The following LRP1B variants were observed in gnomAD, a reference collection of about 807,000 sequenced individuals.
The protein encoded by LRP1B is LDL receptor related protein 1B.
In LRP1B, 217 loss-of-function variants were observed where a neutral mutation model predicts 556.6. The observed-to-expected ratio is 0.39, with a 90% CI of 0.35 to 0.44. The LOEUF (loss-of-function observed/expected upper bound fraction) is 0.44. Ranked by LOEUF, LRP1B falls within the 20% of genes least tolerant of loss-of-function variation. The pLI is 1.00. For synonymous variants in LRP1B, 2,047 were observed against 1,865.8 expected (o/e 1.10, Z -2.50); for missense variants, 5,053 against 5,620.8 (o/e 0.90, Z 3.23).
chr2:141,170,111 T>A (rs997909378), intron 7 of LRP1B, among the ~76,000 whole-genome samples: 1 of 152,224 alleles, frequency 6.6e-6, no homozygotes, highest in Non-Finnish European at 1.5e-5. Flanking sequence ...ATGATAGATA[T>A]GATAACAAAC....
At chr2:141,481,963 T>G (rs1682933989) in intron 2 of LRP1B, among the ~76,000 whole-genome samples, 3 of 152,186 alleles carry the variant, frequency 2.0e-5, no homozygotes, top group Admixed American at 6.5e-5. Context: ...TCTTTTCTGT[T>G]GTAAACCCCT....
At chr2:141,962,291 A>G (rs1574535632) in intron 1 of LRP1B, among the ~76,000 whole-genome samples, 1 of 151,832 alleles carries the variant, frequency 6.6e-6, no homozygotes, top group Non-Finnish European at 1.5e-5. Flanking sequence ...CAGAAAGCAC[A>G]TGTGGGGGAA....
intron 15 of LRP1B, among the ~76,000 whole-genome samples, chr2:140,999,175 C>T (rs182186100): frequency 6.6e-6 from 1 of 152,096 alleles, no homozygotes; most frequent in African/African-American, 2.4e-5. Flanking sequence ...AAATGAGTTA[C>T]TATATTATTC....
chr2:141,489,436 G>T (rs1056210574), intron 2 of LRP1B, among the ~76,000 whole-genome samples: 2 of 151,868 alleles, frequency 1.3e-5, no homozygotes, highest in Non-Finnish European at 2.9e-5. Context: ...TATAATATCT[G>T]TAATTACCAT....
At chr2:140,325,022 A>G (rs1680395790) in intron 80 of LRP1B, among the ~76,000 whole-genome samples, 1 of 152,268 alleles carries the variant, frequency 6.6e-6, no homozygotes, top group East Asian at 1.9e-4. Flanking sequence ...CAGTAAATAT[A>G]TAACATGCAA....
intron 33 of LRP1B, 29 bp downstream of exon 33, chr2:140,776,069 C>T (rs1689486455): frequency 6.6e-7 from 1 of 1,507,424 alleles, no homozygotes; most frequent in South Asian, 1.3e-5. Context: ...GTATTCAAGA[C>T]CTGGCACAAA....
At chr2:141,335,415 T>C (rs753541744) in intron 3 of LRP1B, among the ~76,000 whole-genome samples, 1 of 152,168 alleles carries the variant, frequency 6.6e-6, no homozygotes, top group African/African-American at 2.4e-5. Flanking sequence ...TTTGGCATAA[T>C]TGGTGTTTAT....
chr2:140,232,299 G>A lies in LRP1B; in HGVS notation c.*887C>T, dbSNP rs1680508943. The A allele has an allele frequency of 6.6e-6, 1 of 151,258 alleles. No homozygotes were observed. The highest frequency in any genetic ancestry group is 2.4e-5 in the African/African-American group (1 of 41,310). The allele number at this position is 151,258 out of a possible 1,614,324, so 9.4% of individuals were successfully genotyped here. A position where few individuals can be genotyped will look rare whatever the true frequency, so the allele number is the denominator to read the frequency against. ...ATTATTCTTTAGTGTTCAGTGTAGT[G>A]TAAGGGGTTGGGTTAATCTTCCACA... On this transcript the variant is annotated 3_prime_UTR_variant, in exon 91 of 91. Transcript: ENST00000389484.
At chr2:140,664,414 G>T (rs1408405408) in intron 41 of LRP1B, among the ~76,000 whole-genome samples, 2 of 151,654 alleles carry the variant, frequency 1.3e-5, no homozygotes, top group Non-Finnish European at 2.9e-5. Context: ...TTGTCATTTA[G>T]GAATTTCTCT....
chr2:141,144,098 A>G (rs1701723206), intron 7 of LRP1B, among the ~76,000 whole-genome samples: 1 of 152,144 alleles, frequency 6.6e-6, no homozygotes, highest in South Asian at 2.1e-4. Context: ...CCTAAGTAAG[A>G]TATTCAGATC....
chr2:141,873,914 T>C (rs10168519), intron 1 of LRP1B, among the ~76,000 whole-genome samples: 53,137 of 151,512 alleles, frequency 0.35, 9,598 homozygotes, highest in Middle Eastern at 0.46. Flanking sequence ...TTTTCACGAC[T>C]AGAACACTCT....
At chr2:141,018,755 C>G (rs921767965) in intron 12 of LRP1B, among the ~76,000 whole-genome samples, 2 of 152,090 alleles carry the variant, frequency 1.3e-5, no homozygotes, top group Admixed American at 1.3e-4. Flanking sequence ...AAAACTAAGG[C>G]TGGTTTACCA....
At chr2:141,521,889 T>G (rs1283256423) in intron 2 of LRP1B, among the ~76,000 whole-genome samples, 1 of 152,150 alleles carries the variant, frequency 6.6e-6, no homozygotes, top group Non-Finnish European at 1.5e-5. Flanking sequence ...TAATACAGTT[T>G]TAACAAATAT....
At chr2:140,477,636 T>C (rs1688029534) in intron 59 of LRP1B, among the ~76,000 whole-genome samples, 1 of 152,178 alleles carries the variant, frequency 6.6e-6, no homozygotes, top group African/African-American at 2.4e-5. Context: ...TTTCAAGTGG[T>C]CTAACTTCCA....
At chr2:141,505,099 C>T (rs28522306) in intron 2 of LRP1B, among the ~76,000 whole-genome samples, 2 of 148,900 alleles carry the variant, frequency 1.3e-5, no homozygotes, top group South Asian at 2.1e-4. Flanking sequence ...TCCTCTCTCT[C>T]TCTATCTCTC....
rs138646792 is a variant in LRP1B, at chr2:141,080,513, C to A, written c.1014-18240G>T. Among the ~76,000 whole-genome samples the A allele has an allele frequency of 4.0e-3, 607 of 152,280 alleles. 2 individuals carry two copies. The highest frequency in any genetic ancestry group is 0.014 in the African/African-American group (578 of 41,566). Reference sequence around the variant, plus strand: ...GATTAACCTTGACATTACGACTTAACTCCTTGAACAAACGTGGTAGCATAT... The same window carrying A: ...GATTAACCTTGACATTACGACTTAAATCCTTGAACAAACGTGGTAGCATAT... On this transcript the variant is annotated intron_variant, in intron 7 of 90. Coordinates refer to ENST00000389484, the MANE Select transcript of LRP1B (RefSeq NM_018557.3).
At chr2:141,701,067 T>C (rs1691924761) in intron 2 of LRP1B, among the ~76,000 whole-genome samples, 1 of 151,852 alleles carries the variant, frequency 6.6e-6, no homozygotes, top group African/African-American at 2.4e-5. Context: ...TGGCTAAAGC[T>C]GTGTCACTGT....
At chr2:141,796,916 A>G (rs1695832027) in intron 2 of LRP1B, among the ~76,000 whole-genome samples, 1 of 151,592 alleles carries the variant, frequency 6.6e-6, no homozygotes, top group Admixed American at 6.6e-5. Flanking sequence ...AATTAAATAT[A>G]TACACAAAAA....
intron 55 of LRP1B, among the ~76,000 whole-genome samples, chr2:140,498,750 A>T (rs1342092957): frequency 6.6e-6 from 1 of 151,864 alleles, no homozygotes; most frequent in Non-Finnish European, 1.5e-5. Context: ...TCCTATCAAC[A>T]AATTGTCATA....
Sources: gnomAD v4.1 joint callset for allele counts (sites outside exome capture counted in the v4.1 genomes callset) on GRCh38, gnomAD v4.1.1 for gene constraint, MANE v1.5 for transcripts, NCBI Gene and HGNC (gene_info 2026-07-23, HGNC 2026-07-21) for gene names.